SGCD: variants seen among roughly 807,000 people sequenced by gnomAD.
SGCD encodes the protein sarcoglycan delta.
SGCD carries 18 observed loss-of-function variants against 36.6 expected under a neutral mutation model. The ratio of observed to expected loss-of-function variants is 0.49; its 90% CI spans 0.34 to 0.73. The LOEUF (loss-of-function observed/expected upper bound fraction) is 0.73, where lower values mean the gene tolerates loss of function less well. Among genes scored for constraint, SGCD ranks in the 30% least tolerant of loss-of-function variants. SGCD has a pLI of 0.01. For synonymous variants in SGCD, 133 were observed against 130.6 expected (o/e 1.02, Z -0.12); for missense variants, 387 against 346.7 (o/e 1.12, Z -0.92).
chr5:155,740,296 T>A, the SGCD span, among the ~76,000 whole-genome samples: 1 of 152,176 alleles, frequency 6.6e-6, no homozygotes, highest in Non-Finnish European at 1.5e-5. Context: ...TCTCAACTCT[T>A]AGCAAGATTT....
intron 4 of SGCD, among the ~76,000 whole-genome samples, chr5:156,515,443 A>C (rs1251112178): frequency 6.6e-6 from 1 of 152,104 alleles, no homozygotes; most frequent in African/African-American, 2.4e-5. Context: ...CTGCACCTTC[A>C]GCTGAGGTAT....
chr5:156,629,027 CTA>C (rs1187704044), intron 6 of SGCD, among the ~76,000 whole-genome samples: 1 of 152,162 alleles, frequency 6.6e-6, no homozygotes, highest in Non-Finnish European at 1.5e-5. Context: ...ATAAGTGTAA[CTA>C]TGTTTATCAT....
At chr5:155,995,987 A>C (rs1758532640) in intron 1 of SGCD, among the ~76,000 whole-genome samples, 1 of 99,690 alleles carries the variant, frequency 1.0e-5, no homozygotes, top group East Asian at 2.6e-4. Context: ...AGACCACACC[A>C]AAAAAAAAAA....
intron 1 of SGCD, among the ~76,000 whole-genome samples, chr5:155,886,762 A>G (rs1019607429): frequency 6.6e-6 from 1 of 152,228 alleles, no homozygotes; most frequent in Admixed American, 6.5e-5. Context: ...AGCAGCTGAG[A>G]TGCTCAACTT....
At chr5:156,224,115 A>G in intron 3 of SGCD, among the ~76,000 whole-genome samples, 1 of 151,936 alleles carries the variant, frequency 6.6e-6, no homozygotes, top group East Asian at 1.9e-4. Flanking sequence ...TATATGCCTC[A>G]TTTTGTTTAG....
At chr5:156,070,073 C>A (rs1760494038) in intron 1 of SGCD, among the ~76,000 whole-genome samples, 1 of 151,180 alleles carries the variant, frequency 6.6e-6, no homozygotes, top group Non-Finnish European at 1.5e-5. Context: ...ATGTCATCTG[C>A]AAACAGGGAC....
At chr5:156,135,730 G>T (rs1038233276) in intron 3 of SGCD, among the ~76,000 whole-genome samples, 2 of 152,138 alleles carry the variant, frequency 1.3e-5, no homozygotes, top group African/African-American at 4.8e-5. Context: ...GCTACATATG[G>T]AATGTCTGTG....
chr5:156,561,070 A>T (rs1263679105), intron 4 of SGCD, among the ~76,000 whole-genome samples: 4 of 151,836 alleles, frequency 2.6e-5, no homozygotes, highest in African/African-American at 9.7e-5. Flanking sequence ...GCACAGATAC[A>T]ATCAGTCTTA....
intron 1 of SGCD, among the ~76,000 whole-genome samples, chr5:155,908,483 G>T (rs776163996): frequency 6.6e-6 from 1 of 152,144 alleles, no homozygotes; most frequent in Non-Finnish European, 1.5e-5. Context: ...TGTTGAGTAA[G>T]TTTGGATTAC....
chr5:155,877,672 A>G (rs1442172558), intron 1 of SGCD, among the ~76,000 whole-genome samples: 1 of 152,114 alleles, frequency 6.6e-6, no homozygotes, highest in East Asian at 1.9e-4. Flanking sequence ...AAAAATTCTT[A>G]TAGTAAATTA....
chr5:156,605,689 T>C (rs1016928708), intron 6 of SGCD, among the ~76,000 whole-genome samples: 1 of 152,236 alleles, frequency 6.6e-6, no homozygotes, highest in Non-Finnish European at 1.5e-5. Context: ...TTCCTATTTC[T>C]CCACATCCTC....
chr5:155,790,595 A>C, the SGCD span, among the ~76,000 whole-genome samples: 1 of 152,106 alleles, frequency 6.6e-6, no homozygotes, highest in Non-Finnish European at 1.5e-5. Context: ...TTTAAAAAGA[A>C]ACTCCAAACC....
intron 3 of SGCD, among the ~76,000 whole-genome samples, chr5:156,425,710 C>T (rs1333146987): frequency 3.3e-5 from 5 of 151,906 alleles, no homozygotes; most frequent in Non-Finnish European, 5.9e-5. Flanking sequence ...CCCTCACCCA[C>T]GAACTCACGC....
At chr5:155,749,357 G>A in the SGCD span, among the ~76,000 whole-genome samples, 1 of 152,094 alleles carries the variant, frequency 6.6e-6, no homozygotes, top group Non-Finnish European at 1.5e-5. Flanking sequence ...TGACATCAAG[G>A]TATAACTCTT....
At chr5:155,794,878 A>T in the SGCD span, among the ~76,000 whole-genome samples, 2 of 152,196 alleles carry the variant, frequency 1.3e-5, no homozygotes, top group Non-Finnish European at 2.9e-5. Context: ...AGCACATCAT[A>T]GTAAAACTGA....
intron 1 of SGCD, among the ~76,000 whole-genome samples, chr5:155,952,939 C>T (rs2113434136): frequency 6.6e-6 from 1 of 152,312 alleles, no homozygotes; most frequent in Admixed American, 6.5e-5. Context: ...TGAACTGCAT[C>T]ATGTTATCAT....
intron 3 of SGCD, among the ~76,000 whole-genome samples, chr5:156,414,990 G>A (rs1454057347): frequency 6.6e-6 from 1 of 152,076 alleles, no homozygotes; most frequent in East Asian, 1.9e-4. Context: ...CAGAGCAATT[G>A]CCAGTATTTT....
the SGCD span, among the ~76,000 whole-genome samples, chr5:155,851,887 C>T: frequency 2.2e-4 from 34 of 152,312 alleles, no homozygotes; most frequent in East Asian, 4.8e-3. Flanking sequence ...TACACACACT[C>T]ATCATCAGTA....
At chr5:155,811,282 GCAACAACAA>G in the SGCD span, among the ~76,000 whole-genome samples, 1 of 151,782 alleles carries the variant, frequency 6.6e-6, no homozygotes, top group African/African-American at 2.4e-5. Context: ...ATTCCACAGA[GCAACAACAA>G]CAACAACAAC....
Sources: gnomAD v4.1 joint callset for allele counts (sites outside exome capture counted in the v4.1 genomes callset) on GRCh38, gnomAD v4.1.1 for gene constraint, MANE v1.5 for transcripts, NCBI Gene and HGNC (gene_info 2026-07-23, HGNC 2026-07-21) for gene names.